CELF2: variants seen among roughly 807,000 people sequenced by gnomAD.
CELF2 encodes CUG triplet repeat RNA-binding protein 2.
A neutral mutation model predicts 62.6 loss-of-function variants in CELF2; 8 were observed. The ratio of observed to expected loss-of-function variants is 0.13; its 90% confidence interval spans 0.07 to 0.23. The LOEUF is 0.23. Among genes scored for constraint, CELF2 ranks in the 10% least tolerant of loss-of-function variants. The pLI, the probability that CELF2 is intolerant of heterozygous loss-of-function variation, is 1.00. For synonymous variants in CELF2, 258 were observed against 250.0 expected, an observed-to-expected ratio of 1.03 and a Z score of -0.30; for missense variants, 333 against 671.0, an observed-to-expected ratio of 0.50 and a Z score of 5.56.
At chr10:11,226,507 CA>C (rs1046262670) in intron 3 of CELF2, among the ~76,000 whole-genome samples, 4 of 152,174 alleles carry the variant, frequency 2.6e-5, no homozygotes, top group African/African-American at 9.7e-5. Flanking sequence ...TGTGGAACAG[CA>C]GGACCATGAC....
At chr10:10,804,346 G>A (rs544219852) in intron 1 of CELF2, among the ~76,000 whole-genome samples, 1 of 152,320 alleles carries the variant, frequency 6.6e-6, no homozygotes, top group Non-Finnish European at 1.5e-5. Context: ...TAAACACTGG[G>A]CTGGATATGG....
At chr10:10,892,869 G>A (rs527346969) in intron 1 of CELF2, among the ~76,000 whole-genome samples, 1 of 152,346 alleles carries the variant, frequency 6.6e-6, no homozygotes, top group South Asian at 2.1e-4. Flanking sequence ...AGCTAACACA[G>A]GAAAATATGT....
At chr10:10,737,041 G>C in the CELF2 span, among the ~76,000 whole-genome samples, 98 of 152,262 alleles carry the variant, frequency 6.4e-4, 1 homozygote, top group East Asian at 0.017. Context: ...CCCTATGACG[G>C]ATGAGCCATC....
chr10:11,175,377 G>C (rs2070691353), intron 2 of CELF2, among the ~76,000 whole-genome samples: 1 of 151,912 alleles, frequency 6.6e-6, no homozygotes, highest in Non-Finnish European at 1.5e-5. Context: ...GAGGGATTGT[G>C]TTCTCAAAAA....
intron 8 of CELF2, among the ~76,000 whole-genome samples, chr10:11,284,161 G>C (rs1225747861): frequency 1.1e-5 from 1 of 94,202 alleles, no homozygotes; most frequent in Non-Finnish European, 2.1e-5. Context: ...TGAGGGATGA[G>C]TGCGTGGTGG....
chr10:11,096,124 A>G (rs1049377923), intron 1 of CELF2, among the ~76,000 whole-genome samples: 2 of 151,822 alleles, frequency 1.3e-5, no homozygotes, highest in Non-Finnish European at 2.9e-5. Context: ...TTATGCACCA[A>G]TGCAGAGGAA....
chr10:10,584,569 G>A, the CELF2 span, among the ~76,000 whole-genome samples: 12 of 152,290 alleles, frequency 7.9e-5, no homozygotes, highest in African/African-American at 2.9e-4. Context: ...TAGAAGTACC[G>A]AGTCCTCCTC....
intron 1 of CELF2, among the ~76,000 whole-genome samples, chr10:11,066,816 G>T (rs1427725904): frequency 6.6e-6 from 1 of 152,046 alleles, no homozygotes; most frequent in South Asian, 2.1e-4. Flanking sequence ...GCCAGGGTGT[G>T]GGGGGAGCTA....
At position 11,197,080 on chromosome 10, in the gene CELF2, AAAG is replaced by A. The variant is rs1312248103; in HGVS notation, c.272-20339_272-20337del. 4.4e-5 allele frequency among the ~76,000 whole-genome samples: 6 copies of A among 137,342 alleles called. No homozygotes were observed. In the East Asian group the frequency reaches 8.3e-4, roughly 19 times the overall value. 90.1% of individuals were successfully genotyped at this position (137,342 alleles called of 152,430 possible). On this transcript the variant is annotated intron_variant, in intron 2 of 12. Transcript: ENST00000633077. The stretch of plus-strand genomic sequence containing the variant: ...AAGAAAAGAAAGAAAGGAAAGAAAG[AAAG>A]AAGAAAGAAAGAAGGGTTCCCATTG...
chr10:10,483,214 C>CA, the CELF2 span, among the ~76,000 whole-genome samples: 1,448 of 93,290 alleles, frequency 0.016, 31 homozygotes, highest in African/African-American at 0.043. Context: ...GGCAGAATAC[C>CA]AAAAAAAAAA....
the CELF2 span, among the ~76,000 whole-genome samples, chr10:10,585,731 T>A: frequency 6.6e-6 from 1 of 152,204 alleles, no homozygotes; most frequent in South Asian, 2.1e-4. Context: ...GGGGATCTTT[T>A]ATGTAATTGA....
chr10:11,107,220 G>C (rs2053742724), intron 1 of CELF2, among the ~76,000 whole-genome samples: 1 of 152,204 alleles, frequency 6.6e-6, no homozygotes, highest in African/African-American at 2.4e-5. Context: ...GGTGAGCAGT[G>C]CTGGTTTTGG....
chr10:10,897,498 G>A (rs866964320), intron 1 of CELF2, among the ~76,000 whole-genome samples: 1 of 152,144 alleles, frequency 6.6e-6, no homozygotes, highest in Non-Finnish European at 1.5e-5. Flanking sequence ...AACAAAGAAG[G>A]ATGAGTACTT....
rs2094193292 is a variant in CELF2 at position 11,306,165 on chromosome 10, C to T, written c.977-7974C>T. On this transcript the variant is annotated intron_variant, in intron 9 of 12. Transcript: ENST00000633077. This position sits in a 1 kb window ranked among gnomAD's most constrained non-coding sequence, Gnocchi z 4.4. Reference sequence around the variant, plus strand: ...GCACTTTGCAGCCTCCGTCTGGGATCCTCTTGGCTTTGTTCTGCCTCCTCC... The same window carrying T: ...GCACTTTGCAGCCTCCGTCTGGGATTCTCTTGGCTTTGTTCTGCCTCCTCC... 6.6e-6 allele frequency among the ~76,000 whole-genome samples: 1 copy of T among 152,068 alleles called. No homozygotes were observed.
rs1395479797 is a variant in CELF2 at position 10,810,532 on chromosome 10, G to A, written c.53+11715G>A. On this transcript the variant is annotated intron_variant, in intron 1 of 13. Transcript: ENST00000636488. ...TGGCCTCAGGTTCCAGTAACTGTCA[G>A]TAATTGAGTGGCTGGAATGGGAAGG... is the stretch of plus-strand genomic sequence containing the variant. 2.0e-5 allele frequency among the ~76,000 whole-genome samples: 3 copies of A among 152,138 alleles called. No individual in the cohort carries two copies. In the East Asian group the frequency reaches 5.8e-4, roughly 29 times the overall value.
At chr10:11,103,181 A>G (rs2052276055) in intron 1 of CELF2, among the ~76,000 whole-genome samples, 1 of 152,102 alleles carries the variant, frequency 6.6e-6, no homozygotes, top group Non-Finnish European at 1.5e-5. Flanking sequence ...TCACCCATTT[A>G]TCAGAATTCG....
intron 1 of CELF2, among the ~76,000 whole-genome samples, chr10:11,034,025 T>G (rs1013338505): frequency 2.0e-5 from 3 of 152,220 alleles, no homozygotes; most frequent in Non-Finnish European, 4.4e-5. Flanking sequence ...ATATTTAGTC[T>G]CTAAGTCTCA....
chr10:10,717,257 G>T, the CELF2 span, among the ~76,000 whole-genome samples: 1 of 152,150 alleles, frequency 6.6e-6, no homozygotes, highest in South Asian at 2.1e-4. Flanking sequence ...TGGCTCAGTT[G>T]GTGTGGTAAT....
chr10:10,924,491 C>T (rs184064482), intron 2 of CELF2, among the ~76,000 whole-genome samples: 2 of 152,118 alleles, frequency 1.3e-5, no homozygotes, highest in East Asian at 3.9e-4. Context: ...ATCTTAAGTA[C>T]TGCAGTAGAG....
Sources: gnomAD v4.1 joint callset for allele counts (sites outside exome capture counted in the v4.1 genomes callset) on GRCh38, gnomAD v4.1.1 for gene constraint, Gnocchi (gnomAD v3.1) non-coding constraint, MANE v1.5 for transcripts, NCBI Gene and HGNC (gene_info 2026-07-23, HGNC 2026-07-21) for gene names.